Variants in KMT2C observed in about 807,000 individuals in gnomAD.
KMT2C encodes histone-lysine N-methyltransferase 2C.
Under a neutral mutation model 507.9 loss-of-function variants are expected in KMT2C, and 88 were observed. The ratio of observed to expected loss-of-function variants is 0.17; its 90% CI spans 0.15 to 0.21. KMT2C has a LOEUF of 0.21. Among genes scored for constraint, KMT2C ranks in the 10% least tolerant of loss-of-function variants. The pLI is 1.00. For missense variants in KMT2C, 4,954 were observed against 5,957.8 expected (o/e 0.83, Z 5.55); for synonymous variants, 2,049 against 2,080.8 (o/e 0.98, Z 0.42).
intron 9 of KMT2C, among the ~76,000 whole-genome samples, chr7:152,256,391 C>A (rs2095662906): frequency 6.6e-6 from 1 of 151,780 alleles, no homozygotes; most frequent in East Asian, 1.9e-4. Flanking sequence ...CATAGTGAGA[C>A]CCTGTCTCTA....
intron 1 of KMT2C, among the ~76,000 whole-genome samples, chr7:152,434,920 G>T (rs2116815352): frequency 6.6e-6 from 1 of 152,240 alleles, no homozygotes; most frequent in South Asian, 2.1e-4. Flanking sequence ...GGGGACGCTG[G>T]CTACGTCTCC....
At chr7:152,192,084 A>C (rs2093813285) in intron 31 of KMT2C, among the ~76,000 whole-genome samples, 1 of 152,140 alleles carries the variant, frequency 6.6e-6, no homozygotes, top group Non-Finnish European at 1.5e-5. Flanking sequence ...ACCTTTTAAA[A>C]ATGAGACTGC....
rs549484002 is a variant in KMT2C at position 152,349,968 on chromosome 7, T to C, written c.250+8619A>G. Among the ~76,000 whole-genome samples, 12 of 152,202 alleles carry C rather than the reference T, an allele frequency of 7.9e-5. No individual in the cohort carries two copies. The East Asian group carries it at 2.3e-3, about 29-fold the overall frequency. ...TTGCTCTGAAAAATAAAGGCTATTT[T>C]TGGCCAGGTGCAGTGGTTCATGCCT... On this transcript the variant is annotated intron_variant, in intron 2 of 58. Coordinates refer to ENST00000262189, the MANE Select transcript of KMT2C (RefSeq NM_170606.3).
chr7:152,390,102 T>C (rs2097478661), intron 1 of KMT2C, among the ~76,000 whole-genome samples: 1 of 152,246 alleles, frequency 6.6e-6, no homozygotes, highest in African/African-American at 2.4e-5. Context: ...AAACTACCTA[T>C]TGGGTACTAG....
At chr7:152,374,194 T>C (rs1321047787) in intron 1 of KMT2C, among the ~76,000 whole-genome samples, 1 of 151,720 alleles carries the variant, frequency 6.6e-6, no homozygotes, top group East Asian at 1.9e-4. Flanking sequence ...CACATGCCTG[T>C]AGTACCAGCT....
At position 152,238,830 on chromosome 7, in the gene KMT2C, G is replaced by A. The variant is rs751782701; in HGVS notation, c.2533-4C>T. On this transcript the variant is annotated splice_region_variant and splice_polypyrimidine_tract_variant and intron_variant, in intron 14 of 58. Coordinates refer to ENST00000262189, the MANE Select transcript of KMT2C (RefSeq NM_170606.3). ...TATTATGGGTACTCCAAGCCCCCTA[G>A]GATATGGCAGTTGAGAAAATAGATG... The A allele has an allele frequency of 6.3e-7, 1 of 1,588,338 alleles. No homozygotes were observed. The highest frequency in any genetic ancestry group is 1.4e-5 in the African/African-American group (1 of 73,392).
At chr7:152,220,903 T>C (rs2094744699) in intron 22 of KMT2C, among the ~76,000 whole-genome samples, 168 bp from the exon 23 acceptor site, 1 of 152,160 alleles carries the variant, frequency 6.6e-6, no homozygotes, top group African/African-American at 2.4e-5. Flanking sequence ...ATAAAAACTA[T>C]GAACAATAGG....
At chr7:152,225,854 G>A (rs1298021494) in intron 18 of KMT2C, among the ~76,000 whole-genome samples, 3 of 152,120 alleles carry the variant, frequency 2.0e-5, no homozygotes, top group South Asian at 2.1e-4. Flanking sequence ...AACAAAGAAC[G>A]AATGGAGAGT....
chr7:152,428,727 G>GT (rs1429749497), intron 1 of KMT2C, among the ~76,000 whole-genome samples: 2 of 152,038 alleles, frequency 1.3e-5, no homozygotes, highest in Non-Finnish European at 2.9e-5. Context: ...CCAGAATTCT[G>GT]TATCAGTTTC....
intron 6 of KMT2C, among the ~76,000 whole-genome samples, chr7:152,297,056 AGAGAGAGAGAGAGAGAGAG>A (rs1563767564): frequency 0.011 from 470 of 42,046 alleles, 24 homozygotes; most frequent in African/African-American, 0.036. Flanking sequence ...AAAGAAAGAC[AGAGAGAGAGAGAGAGAGAG>A]AGAGAGAGAG....
At chr7:152,411,782 G>T (rs1589837981) in intron 1 of KMT2C, among the ~76,000 whole-genome samples, 5 of 152,302 alleles carry the variant, frequency 3.3e-5, no homozygotes, top group African/African-American at 9.6e-5. Flanking sequence ...AGAAATCTAG[G>T]ATTTCTTTAA....
At chr7:152,408,062 G>C in intron 1 of KMT2C, among the ~76,000 whole-genome samples, 1 of 152,158 alleles carries the variant, frequency 6.6e-6, no homozygotes, top group Non-Finnish European at 1.5e-5. Flanking sequence ...GGCCGAGGTG[G>C]GCAGATCACA....
Position 152,146,622 on chromosome 7 carries a change from C to G in KMT2C, c.14008G>C (p.Ala4670Pro). The G allele has an allele frequency of 6.2e-7, 1 of 1,614,178 alleles. No homozygotes were observed. Among genetic ancestry groups the G allele is most frequent in the Non-Finnish European group, 8.5e-7 (1 of 1,180,014 alleles). ...GEDLFGLTVS[A>P]VARIAESLPG... is the part of the protein sequence containing the mutation. ...ACTGATTCCGCTATGCGTGCCACTG[C>G]AGAGACGGTCAGGCCAAACAGATCC... Residue 4670 changes from alanine to proline, a missense_variant, in exon 53 of 59, where the codon GCA becomes CCA. This residue lies in a region of KMT2C where 221 missense variants were observed against 304.7 expected (regional missense o/e 0.73). Coordinates refer to ENST00000262189, the MANE Select transcript of KMT2C (RefSeq NM_170606.3).
chr7:152,394,023 C>T (rs1480308796), intron 1 of KMT2C, among the ~76,000 whole-genome samples: 1 of 151,968 alleles, frequency 6.6e-6, no homozygotes, highest in Non-Finnish European at 1.5e-5. Context: ...GTGTGAACTA[C>T]GAATCCTCTT....
rs1420870517 is a variant in KMT2C at position 152,388,096 on chromosome 7, C to CA, written c.162-29422dup. Among the ~76,000 whole-genome samples, 677 of 119,072 alleles carry CA rather than the reference C, an allele frequency of 5.7e-3. 1 individual carries two copies. Among genetic ancestry groups the CA allele is most frequent in the East Asian group, 0.029 (127 of 4,362 alleles). The allele number at this position is 119,072 out of a possible 152,430, so 78.1% of individuals were successfully genotyped here. On this transcript the variant is annotated intron_variant, in intron 1 of 58. Transcript: ENST00000262189. The stretch of plus-strand genomic sequence containing the variant: ...CTGGGGGGAAAAAATGTAACCTCTT[C>CA]AAAAAAAAAAAATAAATAAATAAAA...
chr7:152,346,937 C>T (rs569468546), intron 2 of KMT2C, among the ~76,000 whole-genome samples: 27 of 152,122 alleles, frequency 1.8e-4, no homozygotes, highest in Non-Finnish European at 3.2e-4. Flanking sequence ...ACCATCCTGG[C>T]TAACACGGTG....
rs760572968 is a variant in KMT2C at position 152,181,705 on chromosome 7, G to A, written c.6155C>T (p.Ser2052Phe). Reference protein sequence around the residue: ...PFKTPMQPPPSSQDPYGSVSQ... With the variant: ...PFKTPMQPPPFSQDPYGSVSQ... ...CACTGATCCATAAGGATCCTGAGAG[G>A]ATGGAGGAGGTTGCATTGGAGTCTT... Residue 2052 changes from serine to phenylalanine, a missense_variant, in exon 36 of 59, where the codon TCC becomes TTC. Physicochemically the swap from Ser to Phe is radical, Grantham distance 155. Around this residue, in one of 29 missense-constraint regions of KMT2C, gnomAD observed 1,689 missense variants for 1,654.3 expected, o/e 1.02. Coordinates refer to ENST00000262189, the MANE Select transcript of KMT2C (RefSeq NM_170606.3). 6.2e-7 allele frequency: 1 copy of A among 1,614,060 alleles called. No individual in the cohort carries two copies. Among genetic ancestry groups the A allele is most frequent in the African/African-American group, 1.3e-5 (1 of 74,910 alleles).
At chr7:152,211,903 C>T (rs1438724589) in intron 23 of KMT2C, among the ~76,000 whole-genome samples, 1 of 152,052 alleles carries the variant, frequency 6.6e-6, no homozygotes. Flanking sequence ...AAAAAATTAG[C>T]CGGGCGTGGT....
At chr7:152,356,530 C>G (rs766240599) in intron 2 of KMT2C, among the ~76,000 whole-genome samples, 1 of 151,842 alleles carries the variant, frequency 6.6e-6, no homozygotes, top group African/African-American at 2.4e-5. Context: ...GAGCCAAGAT[C>G]ACGCCACTGC....
Sources: allele counts gnomAD v4.1 joint callset (sites outside exome capture counted in the v4.1 genomes callset), GRCh38; gene constraint gnomAD v4.1.1; regional missense constraint gnomAD v4.1.1; transcripts MANE v1.5; gene names NCBI Gene and HGNC (gene_info 2026-07-23, HGNC 2026-07-21).